The following ITPR2 variants were observed in gnomAD, a reference collection of about 807,000 sequenced individuals.
ITPR2 encodes inositol 1,4,5-trisphosphate receptor type 2, also known as inositol 1,4,5-trisphosphate-gated calcium channel ITPR2.
ITPR2 carries 207 observed loss-of-function variants against 317.1 expected under a neutral mutation model. The ratio of observed to expected loss-of-function variants is 0.65; its 90% CI spans 0.58 to 0.73. The LOEUF (loss-of-function observed/expected upper bound fraction) is 0.73, where lower values mean the gene tolerates loss of function less well. ITPR2 is among the 30% of genes least tolerant of loss of function. The pLI is 0.00. For synonymous variants in ITPR2, 1,156 were observed against 1,149.1 expected (o/e 1.01, Z -0.12); for missense variants, 2,613 against 3,284.0 (o/e 0.80, Z 4.99).
chr12:26,742,563 C>G (rs995153299), intron 2 of ITPR2, among the ~76,000 whole-genome samples: 1 of 152,160 alleles, frequency 6.6e-6, no homozygotes, highest in East Asian at 1.9e-4. Context: ...ACCTGTAATC[C>G]CAGCACTTTG....
intron 34 of ITPR2, among the ~76,000 whole-genome samples, chr12:26,578,139 C>T (rs1453293780): frequency 6.6e-6 from 1 of 152,118 alleles, no homozygotes; most frequent in Non-Finnish European, 1.5e-5. Context: ...CTCCCCTCCA[C>T]CATTGGGGGA....
intron 53 of ITPR2, 37 bp from the exon 54 acceptor site, chr12:26,399,078 T>C: frequency 1.5e-5 from 22 of 1,452,534 alleles, no homozygotes; most frequent in Non-Finnish European, 2.0e-5. Flanking sequence ...ACACTAGGCA[T>C]AGTGATTGAG....
At chr12:26,663,547 T>A in intron 15 of ITPR2, 138 bp downstream of exon 15, 1 of 792,574 alleles carries the variant, frequency 1.3e-6, no homozygotes, top group Non-Finnish European at 2.0e-6. Context: ...AAATCATTTT[T>A]ATGTATTGCC....
intron 21 of ITPR2, among the ~76,000 whole-genome samples, chr12:26,638,827 A>G (rs1946917210): frequency 6.6e-6 from 1 of 152,232 alleles, no homozygotes; most frequent in Admixed American, 6.5e-5. Context: ...TAAATCCAAC[A>G]TGGTAAATTC....
At chr12:26,744,876 A>G (rs890556970) in intron 2 of ITPR2, among the ~76,000 whole-genome samples, 1 of 152,244 alleles carries the variant, frequency 6.6e-6, no homozygotes, top group Non-Finnish European at 1.5e-5. Flanking sequence ...ATAAAGAAAG[A>G]GGCTACTATG....
chr12:26,448,002 T>TTA (rs765853841), intron 45 of ITPR2, among the ~76,000 whole-genome samples: 35 of 147,584 alleles, frequency 2.4e-4, no homozygotes, highest in African/African-American at 8.3e-4. Context: ...GACTTTTTTT[T>TTA]AAAAAAAAAA....
chr12:26,465,860 T>C (rs1169010478), intron 45 of ITPR2, among the ~76,000 whole-genome samples: 2 of 152,132 alleles, frequency 1.3e-5, no homozygotes, highest in African/African-American at 4.8e-5. Context: ...AGGAATCATG[T>C]GGTCTCAAGG....
chr12:26,611,956 T>C (rs985183372), intron 26 of ITPR2, among the ~76,000 whole-genome samples: 2 of 152,236 alleles, frequency 1.3e-5, no homozygotes, highest in African/African-American at 4.8e-5. Context: ...AGTCTTTTAA[T>C]GCTGGGGACG....
intron 55 of ITPR2, among the ~76,000 whole-genome samples, chr12:26,386,893 A>G (rs1939681983): frequency 6.6e-6 from 1 of 152,178 alleles, no homozygotes; most frequent in Non-Finnish European, 1.5e-5. Context: ...GTTATAAGCA[A>G]CTAGATGTGG....
intron 37 of ITPR2, among the ~76,000 whole-genome samples, chr12:26,501,015 A>C (rs1253076448): frequency 6.6e-6 from 1 of 152,196 alleles, no homozygotes; most frequent in African/African-American, 2.4e-5. Context: ...TCATGAAAAA[A>C]CACAACCAGC....
intron 49 of ITPR2, among the ~76,000 whole-genome samples, chr12:26,422,756 T>C (rs1315554707): frequency 2.6e-5 from 4 of 152,266 alleles, no homozygotes; most frequent in South Asian, 2.1e-4. Flanking sequence ...ATTGTTCCTA[T>C]GGGAAAACAT....
At chr12:26,690,116 T>G (rs1419056414) in intron 10 of ITPR2, among the ~76,000 whole-genome samples, 3 of 152,216 alleles carry the variant, frequency 2.0e-5, no homozygotes, top group Non-Finnish European at 4.4e-5. Context: ...CAGTCAGTTA[T>G]ACAAATAACC....
At chr12:26,670,955 G>T (rs927540920) in intron 13 of ITPR2, among the ~76,000 whole-genome samples, 2 of 152,220 alleles carry the variant, frequency 1.3e-5, no homozygotes, top group African/African-American at 4.8e-5. Flanking sequence ...ATCAGCAATG[G>T]AAGATGAAAT....
intron 54 of ITPR2, among the ~76,000 whole-genome samples, 153 bp from the exon 55 acceptor site, chr12:26,387,747 C>T (rs1939707750): frequency 6.6e-6 from 1 of 152,094 alleles, no homozygotes; most frequent in Non-Finnish European, 1.5e-5. Flanking sequence ...CAACACAGTA[C>T]ACAAGACCTC....
chr12:26,484,175 G>GTA lies in ITPR2; in HGVS notation c.5812-279_5812-278dup, dbSNP rs560300027. On this transcript the variant is annotated intron_variant, in intron 41 of 56. Transcript: ENST00000381340. ...TATATATGTATATATACATATATGTGTATATATATATCAAGATAGTTCATA... is the reference window on the plus strand; with the variant it reads ...TATATATGTATATATACATATATGTGTATATATATATATCAAGATAGTTCATA... Among the ~76,000 whole-genome samples, 358 of 149,962 alleles carry GTA rather than the reference G, an allele frequency of 2.4e-3. 4 individuals are homozygous for GTA. The highest frequency in any genetic ancestry group is 7.0e-3 in the African/African-American group (285 of 40,746).
At chr12:26,352,021 T>G (rs1938497568) in intron 55 of ITPR2, among the ~76,000 whole-genome samples, 1 of 152,164 alleles carries the variant, frequency 6.6e-6, no homozygotes, top group Non-Finnish European at 1.5e-5. Flanking sequence ...AAGGGGGCAT[T>G]CGTCCAATGT....
At chr12:26,419,441 C>T in intron 49 of ITPR2, 1 of 407,800 alleles carries the variant, frequency 2.5e-6, no homozygotes, top group Non-Finnish European at 4.4e-6. Flanking sequence ...GGCACGTAAA[C>T]ATAATACATG....
chr12:26,495,375 T>A (rs1942909880), intron 37 of ITPR2, 115 bp from the exon 38 acceptor site: 2 of 534,914 alleles, frequency 3.7e-6, no homozygotes, highest in Admixed American at 3.8e-5. Context: ...ATGGAAAAAT[T>A]AACTTTCTAT....
At chr12:26,469,327 T>C (rs1042695860) in intron 45 of ITPR2, among the ~76,000 whole-genome samples, 2 of 152,202 alleles carry the variant, frequency 1.3e-5, no homozygotes, top group Non-Finnish European at 2.9e-5. Context: ...CAAGTACTAA[T>C]AGCTGGCTGG....
Sources: allele counts gnomAD v4.1 joint callset (sites outside exome capture counted in the v4.1 genomes callset), GRCh38; gene constraint gnomAD v4.1.1; transcripts MANE v1.5; gene names NCBI Gene and HGNC (gene_info 2026-07-23, HGNC 2026-07-21).